Variants in RRP15 observed in about 807,000 individuals in gnomAD.
RRP15 encodes ribosomal RNA processing 15 homolog, also known as RRP15-like protein.
RRP15 carries 18 observed loss-of-function variants against 27.1 expected under a neutral mutation model. That is an observed-to-expected ratio of 0.66 (90% CI 0.46 to 0.98). The LOEUF is 0.98. Among genes scored for constraint, RRP15 ranks in the 50% least tolerant of loss-of-function variants. The probability of loss-of-function intolerance (pLI) is 0.00; values close to 1 mark genes in which losing one functional copy is unlikely to be tolerated. For missense variants in RRP15, 359 were observed against 337.8 expected, an observed-to-expected ratio of 1.06 and a Z score of -0.49; for synonymous variants, 107 against 109.4, an observed-to-expected ratio of 0.98 and a Z score of 0.14.
chr1:218,296,645 A>G (rs1256492651), intron 1 of RRP15, among the ~76,000 whole-genome samples: 1 of 147,508 alleles, frequency 6.8e-6, no homozygotes, highest in Non-Finnish European at 1.5e-5. Context: ...CCTTGTCTCA[A>G]AAAAAAAAAA....
intron 1 of RRP15, among the ~76,000 whole-genome samples, chr1:218,301,032 C>T (rs1390693786): frequency 1.3e-5 from 2 of 152,096 alleles, no homozygotes; most frequent in East Asian, 3.9e-4. Context: ...TAAAAAAATA[C>T]TTAAACTACT....
chr1:218,319,065 C>CTT (rs546270156), intron 4 of RRP15, among the ~76,000 whole-genome samples: 1 of 145,296 alleles, frequency 6.9e-6, no homozygotes, highest in South Asian at 2.2e-4. Flanking sequence ...TTTCTTTTGT[C>CTT]TTTTTTTTTT....
rs1018044445 is a variant in RRP15, at chr1:218,337,375, A to C, written c.*6284A>C. On this transcript the variant is annotated 3_prime_UTR_variant, in exon 5 of 5. Coordinates refer to ENST00000366932, the MANE Select transcript of RRP15 (RefSeq NM_016052.4). ...CCTCAGGAAAAGATTCTGATGACAG[A>C]AAATGCTGTGTGAACAGTATTATAT... The C allele has an allele frequency of 6.6e-6, 1 of 152,238 alleles. No individual in the cohort carries two copies. The highest frequency in any genetic ancestry group is 1.5e-5 in the Non-Finnish European group (1 of 68,044). 9.4% of individuals were successfully genotyped at this position (152,238 alleles called of 1,614,324 possible).
At position 218,331,558 on chromosome 1, in the gene RRP15, A is replaced by C. The variant is rs1172486163; in HGVS notation, c.*467A>C. 6.6e-6 allele frequency: 1 copy of C among 151,192 alleles called. No individual in the cohort carries two copies. Among genetic ancestry groups the C allele is most frequent in the East Asian group, 1.9e-4 (1 of 5,160 alleles). The allele number at this position is 151,192 out of a possible 1,614,324, so 9.4% of individuals were successfully genotyped here. A position where few individuals can be genotyped will look rare whatever the true frequency, so the allele number is the denominator to read the frequency against. On this transcript the variant is annotated 3_prime_UTR_variant, in exon 5 of 5. Transcript: ENST00000366932. The stretch of plus-strand genomic sequence containing the variant: ...GGAAGTTATTGAGAAAACCTATATA[A>C]TAAAATTTAAAATTATAGTTTTTCA...
At chr1:218,326,537 C>A (rs1200503887) in intron 4 of RRP15, among the ~76,000 whole-genome samples, 1 of 151,410 alleles carries the variant, frequency 6.6e-6, no homozygotes, top group African/African-American at 2.4e-5. Flanking sequence ...AAAAATTCAA[C>A]TGGAAGCTAT....
chr1:218,326,027 G>A (rs751558447), intron 4 of RRP15, among the ~76,000 whole-genome samples: 1 of 152,116 alleles, frequency 6.6e-6, no homozygotes, highest in African/African-American at 2.4e-5. Flanking sequence ...ACTGTTGGCC[G>A]AGTGTGGTGG....
intron 4 of RRP15, among the ~76,000 whole-genome samples, chr1:218,318,933 A>G (rs1656132862): frequency 2.0e-5 from 3 of 152,032 alleles, no homozygotes; most frequent in Non-Finnish European, 4.4e-5. Flanking sequence ...TTGTTTTCTA[A>G]TTTATTAGCT....
At chr1:218,290,239 T>G (rs1039109565) in intron 1 of RRP15, among the ~76,000 whole-genome samples, 1 of 152,222 alleles carries the variant, frequency 6.6e-6, no homozygotes, top group African/African-American at 2.4e-5. Flanking sequence ...CTATAAATGT[T>G]TATAAATACT....
intron 4 of RRP15, among the ~76,000 whole-genome samples, chr1:218,322,023 C>G (rs1656194837): frequency 6.6e-6 from 1 of 152,074 alleles, no homozygotes; most frequent in Non-Finnish European, 1.5e-5. Context: ...TAAGCATATT[C>G]AGCATTTTGC....
At chr1:218,323,884 G>A (rs1034475401) in intron 4 of RRP15, among the ~76,000 whole-genome samples, 2 of 152,204 alleles carry the variant, frequency 1.3e-5, no homozygotes, top group African/African-American at 4.8e-5. Context: ...CTGGGAGCGG[G>A]GAGAAACCGG....
At chr1:218,321,514 T>C (rs1045237614) in intron 4 of RRP15, among the ~76,000 whole-genome samples, 7 of 152,218 alleles carry the variant, frequency 4.6e-5, no homozygotes, top group Admixed American at 1.3e-4. Flanking sequence ...GTCTAACATG[T>C]ACAGTATGGT....
At chr1:218,292,858 G>A (rs919473427) in intron 1 of RRP15, among the ~76,000 whole-genome samples, 1 of 151,984 alleles carries the variant, frequency 6.6e-6, no homozygotes, top group Admixed American at 6.6e-5. Context: ...TACTCTATTG[G>A]CATACTCTTT....
At chr1:218,305,730 C>G (rs1464734429) in intron 3 of RRP15, among the ~76,000 whole-genome samples, 3 of 151,994 alleles carry the variant, frequency 2.0e-5, no homozygotes, top group East Asian at 1.9e-4. Flanking sequence ...TGGGCTGCTG[C>G]TAAAGAACCT....
At chr1:218,297,479 C>A (rs1441861723) in intron 1 of RRP15, among the ~76,000 whole-genome samples, 1 of 152,092 alleles carries the variant, frequency 6.6e-6, no homozygotes. Flanking sequence ...ATTATGAAAA[C>A]CCAATGAAGT....
intron 4 of RRP15, among the ~76,000 whole-genome samples, chr1:218,315,047 A>G (rs932102373): frequency 3.9e-5 from 6 of 152,088 alleles, no homozygotes; most frequent in African/African-American, 7.2e-5. Context: ...CTAGACAATA[A>G]TTTTTAATAG....
At chr1:218,290,669 A>T (rs145746636) in intron 1 of RRP15, among the ~76,000 whole-genome samples, 1 of 152,136 alleles carries the variant, frequency 6.6e-6, no homozygotes, top group Non-Finnish European at 1.5e-5. Flanking sequence ...AGGTTTTGCC[A>T]TGTTGCTCAG....
chr1:218,307,957 G>T (rs971366260), intron 4 of RRP15, among the ~76,000 whole-genome samples: 2 of 151,714 alleles, frequency 1.3e-5, no homozygotes, highest in African/African-American at 4.8e-5. Context: ...TTGCATTGAG[G>T]CATCTTTAGT....
At chr1:218,328,045 A>T (rs1437240994) in intron 4 of RRP15, among the ~76,000 whole-genome samples, 6 of 152,260 alleles carry the variant, frequency 3.9e-5, no homozygotes, top group Non-Finnish European at 7.3e-5. Context: ...TGAATTGCTA[A>T]TAACATATTT....
chr1:218,322,255 T>C lies in RRP15; in HGVS notation c.706-8693T>C, dbSNP rs531442938. ...ACTTCTCTGAGCCTTAGTTTTCTTA[T>C]AAGGTAAGCATGATACTTGCTATCT... On this transcript the variant is annotated intron_variant, in intron 4 of 4. Transcript: ENST00000366932. Among the ~76,000 whole-genome samples, 8 of 152,280 alleles carry C rather than the reference T, an allele frequency of 5.3e-5. No individual in the cohort carries two copies. The South Asian group carries it at 1.5e-3, about 28-fold the overall frequency.
Sources: gnomAD v4.1 joint callset for allele counts (sites outside exome capture counted in the v4.1 genomes callset) on GRCh38, gnomAD v4.1.1 for gene constraint, MANE v1.5 for transcripts, NCBI Gene and HGNC (gene_info 2026-07-23, HGNC 2026-07-21) for gene names.